Variants in CSMD2 observed in about 807,000 individuals in gnomAD.
CSMD2 encodes the protein CUB and sushi domain-containing protein 2.
Under a neutral mutation model 398.5 loss-of-function variants are expected in CSMD2, and 130 were observed. That is an observed-to-expected ratio of 0.33 (90% CI 0.28 to 0.38). The LOEUF (loss-of-function observed/expected upper bound fraction) is 0.38, where lower values mean the gene tolerates loss of function less well. Among genes scored for constraint, CSMD2 ranks in the 10% least tolerant of loss-of-function variants. CSMD2 has a pLI of 1.00. For missense variants in CSMD2, 3,829 were observed against 4,764.9 expected (o/e 0.80, Z 5.78); for synonymous variants, 1,828 against 1,908.5 (o/e 0.96, Z 1.10).
chr1:33,813,024 C>T (rs1180744165), intron 9 of CSMD2: 1 of 152,212 alleles, frequency 6.6e-6, no homozygotes, highest in Non-Finnish European at 1.5e-5. Context: ...GGACTCAGAA[C>T]TCTAGCCCTG....
chr1:33,812,075 T>C (rs769817627), intron 9 of CSMD2, among the ~76,000 whole-genome samples: 5 of 152,206 alleles, frequency 3.3e-5, no homozygotes, highest in Non-Finnish European at 7.3e-5. Context: ...CTGCAGCTCC[T>C]AGACATAATG....
intron 7 of CSMD2, among the ~76,000 whole-genome samples, chr1:33,821,054 C>T (rs1658087619): frequency 6.6e-6 from 1 of 152,206 alleles, no homozygotes; most frequent in Admixed American, 6.5e-5. Flanking sequence ...AGTCAAAGTT[C>T]AAAGCTGGGA....
intron 2 of CSMD2, among the ~76,000 whole-genome samples, chr1:34,076,705 T>G (rs146251678): frequency 6.6e-6 from 1 of 151,990 alleles, no homozygotes; most frequent in East Asian, 1.9e-4. Flanking sequence ...ATTAAAGCAG[T>G]TTACATACTG....
At chr1:34,080,430 ATC>A (rs1656939371) in intron 2 of CSMD2, among the ~76,000 whole-genome samples, 1 of 152,132 alleles carries the variant, frequency 6.6e-6, no homozygotes, top group Non-Finnish European at 1.5e-5. Flanking sequence ...TACACAGAAT[ATC>A]TTTCTTCATA....
chr1:33,537,049 C>T lies in CSMD2; in HGVS notation c.9852G>A (p.Gly3284=), dbSNP rs779145869. 1 of 1,614,180 alleles carries T rather than the reference C, an allele frequency of 6.2e-7. No homozygotes were observed. The highest frequency in any genetic ancestry group is 8.5e-7 in the Non-Finnish European group (1 of 1,180,028). ...GGTAGCCCTGAGAATTGTTCTGTAT[C>T]CCAAACTGTGGCACACCAGGGTCCG... ...TCADPGVPQF[G]IQNNSQGYQV... is the part of the protein sequence containing the mutation. The change falls in exon 62 of 71, where the codon GGG becomes GGA. Residue 3284 remains glycine (G), a synonymous_variant. Coordinates refer to ENST00000373381, the MANE Select transcript of CSMD2 (RefSeq NM_001281956.2). This position sits in a 1 kb window ranked among gnomAD's most constrained non-coding sequence, Gnocchi z 4.6.
Position 33,772,763 on chromosome 1 carries a change from G to A in CSMD2, c.1664-12C>T. 1 of 1,602,736 alleles carries A rather than the reference G, an allele frequency of 6.2e-7. No individual in the cohort carries two copies. Among genetic ancestry groups the A allele is most frequent in the Non-Finnish European group, 8.5e-7 (1 of 1,171,340 alleles). On this transcript the variant is annotated splice_polypyrimidine_tract_variant and intron_variant, in intron 12 of 70. Coordinates refer to ENST00000373381, the MANE Select transcript of CSMD2 (RefSeq NM_001281956.2). ...GCCCTGCTCGATCTCTGAAAGACAGGAAGATGAGAAAACAGAGACAAAAGG... is the reference window on the plus strand; with the variant it reads ...GCCCTGCTCGATCTCTGAAAGACAGAAAGATGAGAAAACAGAGACAAAAGG...
At chr1:33,774,513 T>C (rs1651710820) in intron 12 of CSMD2, among the ~76,000 whole-genome samples, 1 of 152,154 alleles carries the variant, frequency 6.6e-6, no homozygotes, top group Non-Finnish European at 1.5e-5. Flanking sequence ...TCCCCAGACA[T>C]GCTCTCTGGG....
intron 4 of CSMD2, among the ~76,000 whole-genome samples, chr1:33,926,705 A>T (rs1386459944): frequency 6.6e-6 from 1 of 152,238 alleles, no homozygotes; most frequent in African/African-American, 2.4e-5. Flanking sequence ...TTCTCTGGCA[A>T]TGGGCATTTT....
At chr1:34,150,797 A>G (rs1571276106) in intron 1 of CSMD2, among the ~76,000 whole-genome samples, 1 of 152,160 alleles carries the variant, frequency 6.6e-6, no homozygotes, top group Admixed American at 6.5e-5. Context: ...GCATGTGCCT[A>G]TAGCCCCAGC....
chr1:33,865,202 A>G (rs554996040), intron 5 of CSMD2, among the ~76,000 whole-genome samples: 1 of 151,542 alleles, frequency 6.6e-6, no homozygotes, highest in Non-Finnish European at 1.5e-5. Context: ...CAGTGGCAGG[A>G]CTGGGAAGAC....
At chr1:33,720,135 C>T (rs897761773) in intron 19 of CSMD2, among the ~76,000 whole-genome samples, 3 of 152,298 alleles carry the variant, frequency 2.0e-5, no homozygotes, top group Non-Finnish European at 2.9e-5. Context: ...AAACAGAGAA[C>T]GAAGAATGCC....
At chr1:33,952,334 A>G (rs114046106) in intron 3 of CSMD2, among the ~76,000 whole-genome samples, 1 of 152,216 alleles carries the variant, frequency 6.6e-6, no homozygotes, top group Non-Finnish European at 1.5e-5. Flanking sequence ...TAAGAATAAC[A>G]GTAGTGATGG....
chr1:34,142,991 A>G (rs989041033), intron 1 of CSMD2, among the ~76,000 whole-genome samples: 12 of 152,168 alleles, frequency 7.9e-5, no homozygotes, highest in Admixed American at 2.6e-4. Context: ...AAGAAACCGC[A>G]TGTGGATGCT....
chr1:33,738,797 C>T (rs1646963580), intron 15 of CSMD2, among the ~76,000 whole-genome samples: 2 of 152,172 alleles, frequency 1.3e-5, no homozygotes, highest in South Asian at 4.1e-4. Flanking sequence ...GCTGCCAATG[C>T]TACTTTGGGC....
At chr1:33,969,946 TA>T (rs1185066556) in intron 3 of CSMD2, among the ~76,000 whole-genome samples, 24 of 151,448 alleles carry the variant, frequency 1.6e-4, no homozygotes, top group African/African-American at 5.3e-4. Flanking sequence ...CCACCTCTAC[TA>T]AAAAAAGATT....
chr1:34,036,213 G>A (rs748116246), intron 2 of CSMD2, among the ~76,000 whole-genome samples: 5 of 151,878 alleles, frequency 3.3e-5, no homozygotes, highest in Admixed American at 6.5e-5. Context: ...ATGCATAATT[G>A]TTCATAGCAG....
At chr1:33,599,966 G>C in intron 44 of CSMD2, 1 of 598,456 alleles carries the variant, frequency 1.7e-6, no homozygotes, top group South Asian at 2.2e-5. Flanking sequence ...GCGGAGGCTG[G>C]GTTCTGTTTC....
At chr1:34,110,137 CA>C (rs1250391142) in intron 1 of CSMD2, among the ~76,000 whole-genome samples, 4 of 149,574 alleles carry the variant, frequency 2.7e-5, no homozygotes, top group Non-Finnish European at 3.0e-5. Context: ...ATCAAAATCA[CA>C]ATGAGATACC....
chr1:34,165,289 C>G, upstream of CSMD2: 1 of 1,206,744 alleles, frequency 8.3e-7, no homozygotes, highest in Non-Finnish European at 1.0e-6. Context: ...ATGACTCGCT[C>G]CAATCCCGCT....
Sources: gnomAD v4.1 joint callset for allele counts (sites outside exome capture counted in the v4.1 genomes callset) on GRCh38, gnomAD v4.1.1 for gene constraint, Gnocchi (gnomAD v3.1) non-coding constraint, MANE v1.5 for transcripts, NCBI Gene and HGNC (gene_info 2026-07-23, HGNC 2026-07-21) for gene names.